PALM2AKAP2: variants seen among roughly 807,000 people sequenced by gnomAD.
PALM2AKAP2 encodes the protein PALM2 and AKAP2 fusion.
A neutral mutation model predicts 71.5 loss-of-function variants in PALM2AKAP2; 37 were observed. The ratio of observed to expected loss-of-function variants is 0.52; its 90% CI spans 0.40 to 0.68. The LOEUF (loss-of-function observed/expected upper bound fraction) is 0.68, where lower values mean the gene tolerates loss of function less well. Ranked by LOEUF, PALM2AKAP2 falls within the 30% of genes least tolerant of loss-of-function variation. PALM2AKAP2 has a pLI of 0.00. For missense variants in PALM2AKAP2, 1,224 were observed against 1,191.8 expected (o/e 1.03, Z -0.40); for synonymous variants, 468 against 478.8 (o/e 0.98, Z 0.29).
intron 7 of PALM2AKAP2, among the ~76,000 whole-genome samples, chr9:110,021,218 G>A (rs140668237): frequency 6.6e-6 from 1 of 152,272 alleles, no homozygotes; most frequent in African/African-American, 2.4e-5. Flanking sequence ...CATATACACA[G>A]AAGGCCATGT....
chr9:110,071,829 C>T (rs1834214106), intron 1 of PALM2AKAP2, among the ~76,000 whole-genome samples: 2 of 152,132 alleles, frequency 1.3e-5, no homozygotes, highest in South Asian at 4.1e-4. Context: ...TTGTGTTCTG[C>T]CCATCACTGT....
chr9:109,895,088 C>T (rs187230530), intron 3 of PALM2AKAP2, among the ~76,000 whole-genome samples: 2 of 152,338 alleles, frequency 1.3e-5, no homozygotes, highest in East Asian at 3.9e-4. Context: ...CACAGCCAGT[C>T]AGATTTTCCT....
intron 1 of PALM2AKAP2, chr9:109,867,164 CTGTGTG>C (rs56194780): frequency 0.048 from 19,234 of 397,190 alleles, 178 homozygotes; most frequent in East Asian, 0.086. Flanking sequence ...ACATGGTTCT[CTGTGTG>C]TGTGTGTGTG....
chr9:110,159,863 G>A (rs1836553093), intron 3 of PALM2AKAP2, among the ~76,000 whole-genome samples: 1 of 152,230 alleles, frequency 6.6e-6, no homozygotes, highest in Admixed American at 6.5e-5. Flanking sequence ...ATGGGAGTCA[G>A]GGAGTGGTGT....
chr9:109,983,585 G>A (rs1456514632), intron 6 of PALM2AKAP2, among the ~76,000 whole-genome samples: 1 of 152,126 alleles, frequency 6.6e-6, no homozygotes, highest in African/African-American at 2.4e-5. Flanking sequence ...TGTAAGATCT[G>A]GCTGGGTGCG....
chr9:109,780,196 G>T, upstream of PALM2AKAP2: 1 of 821,570 alleles, frequency 1.2e-6, no homozygotes, highest in Non-Finnish European at 1.5e-6. Context: ...GCGGCTGCCG[G>T]CGTCCCACGT....
At chr9:109,666,603 C>T (rs1323319518) in intron 1 of PALM2AKAP2, among the ~76,000 whole-genome samples, 1 of 152,190 alleles carries the variant, frequency 6.6e-6, no homozygotes, top group Non-Finnish European at 1.5e-5. Context: ...TGGGCTGACT[C>T]CATGCTTTAT....
chr9:110,118,800 G>A (rs547608506), intron 1 of PALM2AKAP2, among the ~76,000 whole-genome samples: 3 of 152,190 alleles, frequency 2.0e-5, no homozygotes, highest in South Asian at 4.1e-4. Flanking sequence ...CTCTGTGATC[G>A]GTTTCTTATG....
intron 1 of PALM2AKAP2, among the ~76,000 whole-genome samples, chr9:109,791,494 C>T (rs548317498): frequency 7.2e-5 from 11 of 152,246 alleles, no homozygotes; most frequent in South Asian, 2.1e-4. Context: ...AGCAGAAGTG[C>T]GCCCTCTCCC....
At chr9:110,123,934 T>C (rs1303262483) in intron 1 of PALM2AKAP2, among the ~76,000 whole-genome samples, 3 of 152,196 alleles carry the variant, frequency 2.0e-5, no homozygotes, top group African/African-American at 4.8e-5. Flanking sequence ...AGTAGCATCT[T>C]GAAGTGCCTT....
chr9:110,120,533 T>TG (rs771271961), intron 1 of PALM2AKAP2, among the ~76,000 whole-genome samples: 5 of 152,208 alleles, frequency 3.3e-5, no homozygotes, highest in Admixed American at 6.5e-5. Context: ...GACAGAGTCT[T>TG]GCTCTGTTGC....
At chr9:110,048,761 A>G in exon 1 of PALM2AKAP2, 1 of 1,537,230 alleles carries the variant, frequency 6.5e-7, no homozygotes, top group Non-Finnish European at 8.7e-7. Context: ...GGACCCCCGG[A>G]GTCTCCTGGA....
At chr9:109,969,782 TCACCC>T (rs779922202) in intron 6 of PALM2AKAP2, among the ~76,000 whole-genome samples, 3 of 152,042 alleles carry the variant, frequency 2.0e-5, no homozygotes, top group Non-Finnish European at 4.4e-5. Context: ...TCCCACATCC[TCACCC>T]CACCCCACCC....
intron 1 of PALM2AKAP2, among the ~76,000 whole-genome samples, chr9:109,801,118 C>T (rs149591296): frequency 1.3e-5 from 2 of 152,214 alleles, no homozygotes; most frequent in East Asian, 1.9e-4. Context: ...CATACATACA[C>T]ACCTTCAGTT....
chr9:110,030,464 G>T (rs147924876), intron 7 of PALM2AKAP2, among the ~76,000 whole-genome samples: 1 of 152,188 alleles, frequency 6.6e-6, no homozygotes, highest in African/African-American at 2.4e-5. Flanking sequence ...CATCCTGTGC[G>T]TAGGGGAGAG....
intron 1 of PALM2AKAP2, among the ~76,000 whole-genome samples, chr9:109,753,466 C>T (rs1381664880): frequency 6.6e-6 from 1 of 152,156 alleles, no homozygotes; most frequent in African/African-American, 2.4e-5. Flanking sequence ...AAGCTGTTCC[C>T]TAGTACTGAA....
Position 109,931,926 on chromosome 9 carries a change from G to A in PALM2AKAP2, c.395-1G>A, listed in dbSNP as rs1420614847. The A allele has an allele frequency of 1.2e-6, 2 of 1,613,714 alleles. No individual in the cohort carries two copies. Among genetic ancestry groups the A allele is most frequent in the Non-Finnish European group, 1.7e-6 (2 of 1,179,858 alleles). On this transcript the variant is annotated splice_acceptor_variant, in intron 5 of 9. Transcript: ENST00000302798. LOFTEE classifies it high-confidence loss of function. ...TTGTATTCCCTGTTCTCTGCTACCA[G>A]ATGCAGTAAATTACATTTCCTCCCA...
At chr9:109,757,739 A>G (rs1828986134) in intron 1 of PALM2AKAP2, among the ~76,000 whole-genome samples, 2 of 152,048 alleles carry the variant, frequency 1.3e-5, no homozygotes, top group Non-Finnish European at 1.5e-5. Flanking sequence ...CATCATTTAC[A>G]GCAAAACATG....
intron 6 of PALM2AKAP2, among the ~76,000 whole-genome samples, chr9:110,008,417 TTAATAATAATTATTA>T (rs1468613258): frequency 2.0e-5 from 3 of 150,804 alleles, no homozygotes; most frequent in Non-Finnish European, 4.4e-5. Flanking sequence ...CTCTACAAAA[TTAATAATAATTATTA>T]TAATAATAAT....
Sources: gnomAD v4.1 joint callset for allele counts (sites outside exome capture counted in the v4.1 genomes callset) on GRCh38, gnomAD v4.1.1 for gene constraint, MANE v1.5 for transcripts, NCBI Gene and HGNC (gene_info 2026-07-23, HGNC 2026-07-21) for gene names.